Variants in ERC2 observed in about 807,000 individuals in gnomAD.
ERC2 encodes ERC protein 2.
Under a neutral mutation model 114.8 loss-of-function variants are expected in ERC2, and 42 were observed. The ratio of observed to expected loss-of-function variants is 0.37; its 90% CI spans 0.29 to 0.47. The LOEUF (loss-of-function observed/expected upper bound fraction) is 0.47, where lower values mean the gene tolerates loss of function less well. Ranked by LOEUF, ERC2 falls within the 20% of genes least tolerant of loss-of-function variation. The probability of loss-of-function intolerance (pLI) is 0.99; values close to 1 mark genes in which losing one functional copy is unlikely to be tolerated. For synonymous variants in ERC2, 454 were observed against 425.5 expected (o/e 1.07, Z -0.82); for missense variants, 939 against 1,150.7 (o/e 0.82, Z 2.66).
chr3:55,862,180 G>C lies in ERC2; in HGVS notation c.2564+26209C>G, dbSNP rs536960534. On this transcript the variant is annotated intron_variant, in intron 14 of 17. Transcript: ENST00000288221. ...ACATATATGTATTTTATGTATGTGTGTGTGTGTATATATATACATATATAT... is the reference window on the plus strand; with the variant it reads ...ACATATATGTATTTTATGTATGTGTCTGTGTGTATATATATACATATATAT... Among the ~76,000 whole-genome samples the C allele has an allele frequency of 2.9e-3, 437 of 152,226 alleles. 3 individuals are homozygous for C. The highest frequency in any genetic ancestry group is 1.0e-2 in the African/African-American group (414 of 41,532).
chr3:55,543,356 A>T (rs1371313029), intron 17 of ERC2, among the ~76,000 whole-genome samples: 1 of 152,180 alleles, frequency 6.6e-6, no homozygotes, highest in African/African-American at 2.4e-5. Context: ...AAGAATGGAA[A>T]TGTTTCGGCC....
At chr3:56,279,722 A>T (rs867593737) in intron 3 of ERC2, among the ~76,000 whole-genome samples, 15 of 152,356 alleles carry the variant, frequency 9.8e-5, no homozygotes, top group Non-Finnish European at 2.1e-4. Context: ...GATGATCCTG[A>T]GAGTAGCATG....
At chr3:55,511,812 AG>A (rs1365683479) in intron 17 of ERC2, among the ~76,000 whole-genome samples, 1 of 152,256 alleles carries the variant, frequency 6.6e-6, no homozygotes, top group Non-Finnish European at 1.5e-5. Flanking sequence ...ACAGGTATCC[AG>A]AAGCACCCCA....
At chr3:55,542,537 C>T (rs571033735) in intron 17 of ERC2, among the ~76,000 whole-genome samples, 4 of 152,276 alleles carry the variant, frequency 2.6e-5, no homozygotes, top group East Asian at 3.9e-4. Flanking sequence ...AAAAGCAACA[C>T]GTTGAGTCCG....
intron 17 of ERC2, among the ~76,000 whole-genome samples, chr3:55,591,694 T>G (rs990873242): frequency 2.0e-5 from 3 of 152,040 alleles, no homozygotes; most frequent in African/African-American, 7.2e-5. Flanking sequence ...CTTGAGTGGG[T>G]CCCGGGGGTC....
chr3:55,766,448 T>A (rs1377725614), intron 14 of ERC2, among the ~76,000 whole-genome samples: 1 of 152,162 alleles, frequency 6.6e-6, no homozygotes, highest in African/African-American at 2.4e-5. Flanking sequence ...AACCTCCGCC[T>A]CCCAGAGAGT....
At chr3:56,316,370 T>C (rs1254000320) in intron 2 of ERC2, among the ~76,000 whole-genome samples, 1 of 152,246 alleles carries the variant, frequency 6.6e-6, no homozygotes, top group Non-Finnish European at 1.5e-5. Context: ...TCTTCACTCA[T>C]TCCTTTAAAT....
intron 2 of ERC2, among the ~76,000 whole-genome samples, chr3:56,354,086 C>A (rs1576563191): frequency 6.6e-6 from 1 of 152,134 alleles, no homozygotes; most frequent in Non-Finnish European, 1.5e-5. Context: ...TTAGATATCA[C>A]CAGTTACATT....
intron 6 of ERC2, among the ~76,000 whole-genome samples, chr3:56,086,153 A>C (rs1450586035): frequency 6.6e-6 from 1 of 152,152 alleles, no homozygotes; most frequent in East Asian, 1.9e-4. Flanking sequence ...TCTAGACTTT[A>C]AGGCTTAACA....
chr3:55,702,852 T>G (rs1200001886), intron 15 of ERC2, among the ~76,000 whole-genome samples: 1 of 152,124 alleles, frequency 6.6e-6, no homozygotes, highest in African/African-American at 2.4e-5. Context: ...CCAGGAAAAC[T>G]AATATAGAGT....
intron 10 of ERC2, among the ~76,000 whole-genome samples, chr3:56,001,180 A>G (rs1261999130): frequency 6.6e-6 from 1 of 152,062 alleles, no homozygotes; most frequent in Admixed American, 6.6e-5. Flanking sequence ...AAAGAAAAAG[A>G]GAGAAGAAGA....
At chr3:55,854,310 A>ACATTCTCCCCACCT (rs2061696503) in intron 14 of ERC2, among the ~76,000 whole-genome samples, 1 of 152,194 alleles carries the variant, frequency 6.6e-6, no homozygotes, top group Admixed American at 6.5e-5. Context: ...GCACCTAGAT[A>ACATTCTCCCCACCT]AGATTTAAAA....
At chr3:56,178,936 G>A (rs764164287) in intron 3 of ERC2, among the ~76,000 whole-genome samples, 9 of 151,926 alleles carry the variant, frequency 5.9e-5, no homozygotes, top group Non-Finnish European at 8.8e-5. Flanking sequence ...AAAAGGTGAC[G>A]CTTAAGCAAA....
intron 3 of ERC2, among the ~76,000 whole-genome samples, chr3:56,244,545 T>C (rs1176995454): frequency 1.3e-5 from 2 of 152,042 alleles, no homozygotes; most frequent in Non-Finnish European, 2.9e-5. Context: ...AACAGTGATG[T>C]TGATGATCCT....
chr3:55,902,183 G>A (rs1329995562), intron 13 of ERC2, among the ~76,000 whole-genome samples: 1 of 152,148 alleles, frequency 6.6e-6, no homozygotes, highest in East Asian at 1.9e-4. Flanking sequence ...CAGACTGCTG[G>A]CTTGGTTAGC....
intron 15 of ERC2, among the ~76,000 whole-genome samples, chr3:55,713,655 CA>C (rs2063915622): frequency 6.6e-6 from 1 of 152,096 alleles, no homozygotes; most frequent in East Asian, 1.9e-4. Context: ...CTATTTTCAC[CA>C]AAAAGCATGT....
intron 5 of ERC2, among the ~76,000 whole-genome samples, chr3:56,146,751 C>A (rs1377173133): frequency 6.6e-6 from 1 of 152,154 alleles, no homozygotes; most frequent in Non-Finnish European, 1.5e-5. Flanking sequence ...TCAAGTCACT[C>A]CCTATACAGC....
intron 8 of ERC2, among the ~76,000 whole-genome samples, chr3:56,015,459 G>A (rs1216828653): frequency 1.3e-5 from 2 of 151,436 alleles, no homozygotes; most frequent in East Asian, 3.9e-4. Flanking sequence ...AGAATAGGCA[G>A]TGTTTCGTTT....
chr3:55,973,525 G>T (rs1057205270), intron 12 of ERC2, among the ~76,000 whole-genome samples: 5 of 152,196 alleles, frequency 3.3e-5, no homozygotes, highest in Non-Finnish European at 5.9e-5. Flanking sequence ...CCATGCAAGG[G>T]AATATCCATG....
Sources: allele counts gnomAD v4.1 joint callset (sites outside exome capture counted in the v4.1 genomes callset), GRCh38; gene constraint gnomAD v4.1.1; transcripts MANE v1.5; gene names NCBI Gene and HGNC (gene_info 2026-07-23, HGNC 2026-07-21).